NIBAN2: variants seen among roughly 807,000 people sequenced by gnomAD.
The protein encoded by NIBAN2 is protein Niban 2.
Under a neutral mutation model 81.8 loss-of-function variants are expected in NIBAN2, and 36 were observed. That is an observed-to-expected ratio of 0.44 (90% confidence interval 0.34 to 0.58). NIBAN2 has a LOEUF of 0.58. Among genes scored for constraint, NIBAN2 ranks in the 20% least tolerant of loss-of-function variants. The pLI is 0.02. For synonymous variants in NIBAN2, 445 were observed against 441.6 expected (o/e 1.01, Z -0.10); for missense variants, 897 against 1,014.1 (o/e 0.88, Z 1.57).
At chr9:127,509,673 T>G (rs1288282211) in intron 9 of NIBAN2, among the ~76,000 whole-genome samples, 1 of 151,332 alleles carries the variant, frequency 6.6e-6, no homozygotes, top group Non-Finnish European at 1.5e-5. Flanking sequence ...ATAACTGAGG[T>G]CAAGTAAGGG....
intron 1 of NIBAN2, among the ~76,000 whole-genome samples, chr9:127,539,243 A>G (rs1297510345): frequency 6.6e-6 from 1 of 152,006 alleles, no homozygotes; most frequent in African/African-American, 2.4e-5. Flanking sequence ...CTTGTCTCCC[A>G]CCAAAGCCTG....
upstream of NIBAN2, among the ~76,000 whole-genome samples, chr9:127,571,540 G>T (rs753641598): frequency 2.6e-5 from 4 of 152,052 alleles, no homozygotes; most frequent in Non-Finnish European, 4.4e-5. Flanking sequence ...TATTAAAAAT[G>T]CAAAAATTAG....
intron 1 of NIBAN2, among the ~76,000 whole-genome samples, chr9:127,567,382 G>C (rs867580505): frequency 6.6e-6 from 1 of 152,196 alleles, no homozygotes; most frequent in African/African-American, 2.4e-5. Flanking sequence ...CGGATAAGGA[G>C]GCTTTCCAGG....
Position 127,525,169 on chromosome 9 carries a change from G to A in NIBAN2, c.316-6C>T. 6.2e-7 allele frequency: 1 copy of A among 1,612,114 alleles called. No individual in the cohort carries two copies. On this transcript the variant is annotated splice_region_variant and splice_polypyrimidine_tract_variant and intron_variant, in intron 3 of 13. Transcript: ENST00000373312. ...GGGACCTGCCGCTCATAGGCCTGAG[G>A]GAGGCAAGAGAGAGGGTCCCTGAGG...
chr9:127,516,285 G>A (rs888234152), intron 8 of NIBAN2, among the ~76,000 whole-genome samples: 2 of 152,202 alleles, frequency 1.3e-5, no homozygotes, highest in African/African-American at 2.4e-5. Flanking sequence ...AGTGGCTCAT[G>A]CCTGTAATCC....
rs75835777 is a variant in NIBAN2, at chr9:127,527,206, G to A, written c.303C>T (p.Tyr101=). Residue 101 remains tyrosine, a synonymous_variant, in exon 3 of 14, where the codon TAC becomes TAT. Coordinates refer to ENST00000373312, the MANE Select transcript of NIBAN2 (RefSeq NM_022833.4). ...LVPHNYGLVL[Y]ENKAAYERQV... is the part of the protein sequence containing the mutation. ...GGCCAGGCCTCACCGCTTTGTTTTC[G>A]TAGAGCACCAGCCCGTAGTTGTGGG... 0.014 allele frequency: 22,763 copies of A among 1,613,520 alleles called. 243 individuals are homozygous for A. The highest frequency in any genetic ancestry group is 0.015 in the Non-Finnish European group (17,173 of 1,179,960).
Position 127,523,653 on chromosome 9 carries a change from C to A in NIBAN2, c.589+26G>T, listed in dbSNP as rs76800078. 213 of 1,592,288 alleles carry A rather than the reference C, an allele frequency of 1.3e-4. 1 individual carries two copies. The African/African-American group carries it at 2.6e-3, about 20-fold the overall frequency. On this transcript the variant is annotated intron_variant, in intron 5 of 13. Coordinates refer to ENST00000373312, the MANE Select transcript of NIBAN2 (RefSeq NM_022833.4). ...CCCAGGTCCTGCCCCTCCCTCCCAC[C>A]GACCCTGCACCCACAGGCCACTCAC...
At chr9:127,531,523 G>T in intron 2 of NIBAN2, 125 bp downstream of exon 2, 1 of 778,340 alleles carries the variant, frequency 1.3e-6, no homozygotes. Flanking sequence ...AAAGAAGCTG[G>T]GGAGACCCTT....
chr9:127,527,276 T>C lies in NIBAN2; in HGVS notation c.233A>G (p.His78Arg). The change falls in exon 3 of 14, where the codon CAC becomes CGC. Residue 78 changes from histidine (H) to arginine (R), a missense_variant. By Grantham distance (29) the His-to-Arg change is conservative. Coordinates refer to ENST00000373312, the MANE Select transcript of NIBAN2 (RefSeq NM_022833.4). The part of the protein sequence containing the change: ...RIVFSGNLFQ[H>R]QEDSKKWRNR... ...TCTCCACTTCTTGCTGTCCTCCTGG[T>C]GCTGGAAGAGGTTCCCCGAGAAGAC... 1 of 1,613,146 alleles carries C rather than the reference T, an allele frequency of 6.2e-7. No homozygotes were observed. The highest frequency in any genetic ancestry group is 8.5e-7 in the Non-Finnish European group (1 of 1,179,882).
Position 127,517,628 on chromosome 9 carries a change from C to T in NIBAN2, c.705+198G>A, listed in dbSNP as rs532537275. ...CAGTGCCTCGTCCAGGGTAGGTGCT[C>T]AGATGCCCAGTAAGTGATGAATAAG... On this transcript the variant is annotated intron_variant, in intron 6 of 13. Transcript: ENST00000373312. The surrounding 1 kb of genome is among the most constrained non-coding windows in gnomAD (Gnocchi z 4.0). 1.6e-3 allele frequency among the ~76,000 whole-genome samples: 240 copies of T among 152,288 alleles called. No individual in the cohort carries two copies. Among genetic ancestry groups the T allele is most frequent in the African/African-American group, 5.5e-3 (227 of 41,540 alleles).
chr9:127,569,489 C>T (rs1016643102), upstream of NIBAN2, among the ~76,000 whole-genome samples: 1 of 151,888 alleles, frequency 6.6e-6, no homozygotes, highest in African/African-American at 2.4e-5. Flanking sequence ...AGTGTCACCC[C>T]CCTCCCCTCC....
upstream of NIBAN2, among the ~76,000 whole-genome samples, chr9:127,573,026 C>CA (rs1372778265): frequency 6.6e-6 from 1 of 152,140 alleles, no homozygotes; most frequent in African/African-American, 2.4e-5. Context: ...GCTTGGGTGA[C>CA]AGAGTGAGAC....
chr9:127,516,620 G>A (rs933019057), intron 8 of NIBAN2, among the ~76,000 whole-genome samples: 1 of 152,182 alleles, frequency 6.6e-6, no homozygotes, highest in Non-Finnish European at 1.5e-5. Context: ...AGTCAGAGAT[G>A]AAAAGAAGGC....
At chr9:127,544,372 C>T (rs1024274032) in intron 1 of NIBAN2, among the ~76,000 whole-genome samples, 9 of 152,186 alleles carry the variant, frequency 5.9e-5, no homozygotes, top group Admixed American at 2.6e-4. Context: ...TCCACCACCA[C>T]CTCACAAGGT....
In NIBAN2 at chr9:127,536,327, G is replaced by C. The variant is rs1456012958; in HGVS notation, c.56-4549C>G. Among the ~76,000 whole-genome samples, 2 of 152,170 alleles carry C rather than the reference G, an allele frequency of 1.3e-5. No individual in the cohort carries two copies. The highest frequency in any genetic ancestry group is 4.8e-5 in the African/African-American group (2 of 41,432). On this transcript the variant is annotated intron_variant, in intron 1 of 13. Coordinates refer to ENST00000373312, the MANE Select transcript of NIBAN2 (RefSeq NM_022833.4). The surrounding 1 kb of genome is among the most constrained non-coding windows in gnomAD (Gnocchi z 4.0). ...TTCCTGGCTGGACCCTGCTGGAAGA[G>C]GACCCAGGCGAGCACTGCAGCCCTG...
In NIBAN2 at chr9:127,527,316, G is replaced by C. The variant is rs1173273237; in HGVS notation, c.193C>G (p.Leu65Val). The change falls in exon 3 of 14, where the codon CTG becomes GTG. Residue 65 changes from leucine to valine, a missense_variant. Around this residue, in one of 3 missense-constraint regions of NIBAN2, gnomAD observed 209 missense variants for 208.4 expected, o/e 1.00. Transcript: ENST00000373312. Reference sequence around the variant, plus strand: ...CCCGAGAAGACGATGCGCTCGTCCAGTGGCACCTGTGGGCAGGAGCGGGTG... The same window carrying C: ...CCCGAGAAGACGATGCGCTCGTCCACTGGCACCTGTGGGCAGGAGCGGGTG... The part of the protein sequence containing the change: ...QAQLLWRKVP[L>V]DERIVFSGNL... 6.2e-7 allele frequency: 1 copy of C among 1,613,254 alleles called. No homozygotes were observed. Among genetic ancestry groups the C allele is most frequent in the African/African-American group, 1.3e-5 (1 of 74,862 alleles).
In NIBAN2 at chr9:127,527,275, G is replaced by T. The variant is rs1837090057; in HGVS notation, c.234C>A (p.His78Gln). Residue 78 changes from histidine to glutamine, a missense_variant, in exon 3 of 14, where the codon CAC becomes CAA. His to Gln is a conservative substitution (Grantham distance 24). Coordinates refer to ENST00000373312, the MANE Select transcript of NIBAN2 (RefSeq NM_022833.4). ...RIVFSGNLFQ[H>Q]QEDSKKWRNR... is the part of the protein sequence containing the mutation. ...TTCTCCACTTCTTGCTGTCCTCCTG[G>T]TGCTGGAAGAGGTTCCCCGAGAAGA... 1 of 1,613,840 alleles carries T rather than the reference G, an allele frequency of 6.2e-7. No homozygotes were observed. Among genetic ancestry groups the T allele is most frequent in the Non-Finnish European group, 8.5e-7 (1 of 1,179,972 alleles).
At chr9:127,519,119 G>A (rs536743902) in intron 5 of NIBAN2, among the ~76,000 whole-genome samples, 4 of 141,784 alleles carry the variant, frequency 2.8e-5, no homozygotes, top group Non-Finnish European at 6.0e-5. Flanking sequence ...AGGTTGCAGT[G>A]AGCCGAGATT....
chr9:127,534,980 A>C (rs1385445341), intron 1 of NIBAN2, among the ~76,000 whole-genome samples: 1 of 152,208 alleles, frequency 6.6e-6, no homozygotes, highest in Non-Finnish European at 1.5e-5. Context: ...ATGTGAACCC[A>C]GAGAATCTCC....
Sources: gnomAD v4.1 joint callset for allele counts (sites outside exome capture counted in the v4.1 genomes callset) on GRCh38, gnomAD v4.1.1 for gene constraint, gnomAD v4.1.1 regional missense constraint, Gnocchi (gnomAD v3.1) non-coding constraint, MANE v1.5 for transcripts, NCBI Gene and HGNC (gene_info 2026-07-23, HGNC 2026-07-21) for gene names.